Variants in LINGO1 observed in about 807,000 individuals in gnomAD.
The protein encoded by LINGO1 is leucine rich repeat and Ig domain containing 1, also known as leucine-rich repeat and immunoglobulin-like domain-containing nogo receptor-interacting protein 1.
LINGO1 carries 11 observed loss-of-function variants against 37.3 expected under a neutral mutation model. The observed-to-expected ratio is 0.29, with a 90% CI of 0.19 to 0.49. The LOEUF is 0.49. Among genes scored for constraint, LINGO1 ranks in the 20% least tolerant of loss-of-function variants. LINGO1 has a pLI of 0.99. For synonymous variants in LINGO1, 387 were observed against 403.0 expected (o/e 0.96, Z 0.48); for missense variants, 585 against 878.2 (o/e 0.67, Z 4.22).
chr15:77,615,911 G>A lies in LINGO1; in HGVS notation c.7-11C>T. On this transcript the variant is annotated splice_polypyrimidine_tract_variant and intron_variant, in intron 1 of 1. Transcript: ENST00000355300. ...CATCCTCTTGCTCACCTGCAGCCGG[G>A]AGCAAGCACAGGACAGAGGTGGCGG... is the stretch of plus-strand genomic sequence containing the variant. 6.8e-7 allele frequency: 1 copy of A among 1,460,502 alleles called. No individual in the cohort carries two copies. Among genetic ancestry groups the A allele is most frequent in the Non-Finnish European group, 9.0e-7 (1 of 1,112,358 alleles). 90.5% of individuals were successfully genotyped at this position (1,460,502 alleles called of 1,614,324 possible).
chr15:77,615,893 T>A lies in LINGO1; in HGVS notation c.14A>T (p.Lys5Met). ...CCTCACGCCCCCCGCCAGCATCCTC[T>A]TGCTCACCTGCAGCCGGGAGCAAGC... MQVS[K>M]RMLAGGVRSM... The change falls in exon 2 of 2, where the codon AAG becomes ATG. Residue 5 changes from lysine to methionine, a missense_variant. Physicochemically the swap from Lys to Met is moderately conservative, Grantham distance 95. Coordinates refer to ENST00000355300, the MANE Select transcript of LINGO1 (RefSeq NM_032808.7). 6.8e-7 allele frequency: 1 copy of A among 1,468,510 alleles called. No individual in the cohort carries two copies. The highest frequency in any genetic ancestry group is 1.4e-5 in the South Asian group (1 of 70,802). The allele number at this position is 1,468,510 out of a possible 1,614,324, so 91.0% of individuals were successfully genotyped here.
chr15:77,752,718 G>C (rs1464449220), intron 1 of LINGO1, among the ~76,000 whole-genome samples: 1 of 152,164 alleles, frequency 6.6e-6, no homozygotes. Flanking sequence ...ACTGTAGAGG[G>C]GAGGGGAATC....
chr15:77,671,385 G>A (rs1450349590), intron 3 of LINGO1, among the ~76,000 whole-genome samples: 4 of 152,176 alleles, frequency 2.6e-5, no homozygotes, highest in East Asian at 1.9e-4. Context: ...GAGGTGGGGC[G>A]AGATGGAGAG....
chr15:77,778,730 G>A (rs912084820), intron 1 of LINGO1, among the ~76,000 whole-genome samples: 3 of 152,134 alleles, frequency 2.0e-5, no homozygotes, highest in African/African-American at 7.2e-5. Context: ...CTCCCTCCGG[G>A]ATTATTTCAA....
In LINGO1 at chr15:77,624,873, C is replaced by G. The variant is rs1422447552; in HGVS notation, c.6+7437G>C. On this transcript the variant is annotated intron_variant, in intron 1 of 1. Transcript: ENST00000355300. ...AACCTGAGAGAGGCCCAAGGACAACCCCAGTCCTGCACCCCAGTATCTCCC... is the reference window on the plus strand; with the variant it reads ...AACCTGAGAGAGGCCCAAGGACAACGCCAGTCCTGCACCCCAGTATCTCCC... 2.0e-5 allele frequency among the ~76,000 whole-genome samples: 3 copies of G among 152,180 alleles called. No homozygotes were observed. In the East Asian group the frequency reaches 5.8e-4, roughly 29 times the overall value.
chr15:77,782,636 A>C (rs567228387), intron 1 of LINGO1, among the ~76,000 whole-genome samples: 159 of 152,128 alleles, frequency 1.0e-3, no homozygotes, highest in African/African-American at 3.7e-3. Context: ...CACTTGGGCC[A>C]AATTGAACCC....
intron 1 of LINGO1, among the ~76,000 whole-genome samples, chr15:77,692,278 T>G (rs1392040585): frequency 6.6e-6 from 1 of 152,206 alleles, no homozygotes; most frequent in Non-Finnish European, 1.5e-5. Flanking sequence ...ATGAGGAAAC[T>G]GAGGCACAGA....
intron 2 of LINGO1, among the ~76,000 whole-genome samples, chr15:77,727,875 CT>C (rs1247206566): frequency 6.6e-6 from 1 of 152,166 alleles, no homozygotes; most frequent in African/African-American, 2.4e-5. Flanking sequence ...ATTCAAAGCC[CT>C]TTTGCCTGGC....
At chr15:77,641,347 G>A (rs866832900) in intron 3 of LINGO1, among the ~76,000 whole-genome samples, 56 of 152,160 alleles carry the variant, frequency 3.7e-4, no homozygotes, top group African/African-American at 1.2e-3. Context: ...GAACCATAAC[G>A]GTGCATGTAA....
chr15:77,787,354 T>G (rs1026712964), upstream of LINGO1: 1 of 152,284 alleles, frequency 6.6e-6, no homozygotes, highest in South Asian at 2.1e-4. Context: ...CAGAGGAGCC[T>G]GGCAGGGTGC....
At chr15:77,801,651 G>A (rs556105249) in intron 1 of LINGO1, among the ~76,000 whole-genome samples, 214 of 151,944 alleles carry the variant, frequency 1.4e-3, no homozygotes, top group African/African-American at 4.9e-3. Flanking sequence ...AAGCAGGGCT[G>A]CTCTGGCTAA....
Position 77,632,461 on chromosome 15 carries a change from G to A in LINGO1, c.-146C>T. ...GCCCGGCAGTCCGCGCGCCCTCGCG[G>A]GGCTGGCTGTCCGTCTGTCCGCCCC... On this transcript the variant is annotated 5_prime_UTR_variant, in exon 1 of 2. Coordinates refer to ENST00000355300, the MANE Select transcript of LINGO1 (RefSeq NM_032808.7). This position sits in a 1 kb window ranked among gnomAD's most constrained non-coding sequence, Gnocchi z 6.0. 1 of 865,766 alleles carries A rather than the reference G, an allele frequency of 1.2e-6. No homozygotes were observed. The highest frequency in any genetic ancestry group is 1.5e-6 in the Non-Finnish European group (1 of 657,144). 53.6% of individuals were successfully genotyped at this position (865,766 alleles called of 1,614,324 possible).
At chr15:77,662,598 A>G (rs1240052840) in intron 3 of LINGO1, among the ~76,000 whole-genome samples, 2 of 152,068 alleles carry the variant, frequency 1.3e-5, no homozygotes, top group Non-Finnish European at 2.9e-5. Context: ...GGTTTCCCTG[A>G]ATGCCCAGCC....
At chr15:77,784,736 G>C (rs2076754697) in intron 1 of LINGO1, 1 of 152,058 alleles carries the variant, frequency 6.6e-6, no homozygotes, top group Admixed American at 6.5e-5. Context: ...TTACACCTGG[G>C]AAGGTCCCCT....
rs59528630 is a variant in LINGO1, at chr15:77,623,853, CTGTGTGTG to C, written c.7-7961_7-7954del. Among the ~76,000 whole-genome samples, 534 of 146,230 alleles carry C rather than the reference CTGTGTGTG, an allele frequency of 3.7e-3. 7 individuals are homozygous for C. The highest frequency in any genetic ancestry group is 0.013 in the African/African-American group (510 of 39,426). Reference sequence around the variant, plus strand: ...GTCTGTGTGTGTGTGTGTGAGTGGCCTGTGTGTGTGTGTGTGTGTGTGTCTGTGTGTGA... The same window carrying C: ...GTCTGTGTGTGTGTGTGTGAGTGGCCTGTGTGTGTGTGTGTCTGTGTGTGA... On this transcript the variant is annotated intron_variant, in intron 1 of 1. Coordinates refer to ENST00000355300, the MANE Select transcript of LINGO1 (RefSeq NM_032808.7).
intron 1 of LINGO1, among the ~76,000 whole-genome samples, chr15:77,742,641 A>G (rs1304870022): frequency 6.6e-6 from 1 of 152,232 alleles, no homozygotes; most frequent in Non-Finnish European, 1.5e-5. Flanking sequence ...CTCCCAGCTA[A>G]CAATGAGAAA....
At chr15:77,661,834 T>C (rs2075000795) in intron 3 of LINGO1, among the ~76,000 whole-genome samples, 1 of 152,192 alleles carries the variant, frequency 6.6e-6, no homozygotes, top group Non-Finnish European at 1.5e-5. Flanking sequence ...GGGCCTCAGT[T>C]TCCCTGTGTG....
chr15:77,731,884 G>A (rs1263448856), intron 2 of LINGO1, among the ~76,000 whole-genome samples: 1 of 152,104 alleles, frequency 6.6e-6, no homozygotes, highest in African/African-American at 2.4e-5. Context: ...CACCCAGAGG[G>A]AGACAGCAGG....
intron 3 of LINGO1, among the ~76,000 whole-genome samples, chr15:77,673,180 C>A (rs541367562): frequency 2.6e-5 from 4 of 151,896 alleles, no homozygotes; most frequent in Non-Finnish European, 5.9e-5. Flanking sequence ...ACAGTATAGG[C>A]CAATATTTTT....
Sources: gnomAD v4.1 joint callset for allele counts (sites outside exome capture counted in the v4.1 genomes callset) on GRCh38, gnomAD v4.1.1 for gene constraint, Gnocchi (gnomAD v3.1) non-coding constraint, MANE v1.5 for transcripts, NCBI Gene and HGNC (gene_info 2026-07-23, HGNC 2026-07-21) for gene names.